CLUAP1: variants seen among roughly 807,000 people sequenced by gnomAD.
The protein encoded by CLUAP1 is intraflagellar transport 38, also known as clusterin-associated protein 1.
CLUAP1 carries 50 observed loss-of-function variants against 55.0 expected under a neutral mutation model. That is an observed-to-expected ratio of 0.91 (90% CI 0.72 to 1.15). CLUAP1 has a LOEUF of 1.15. Among genes scored for constraint, CLUAP1 ranks in the 50% most tolerant of loss-of-function variants. The pLI is 0.00. For missense variants in CLUAP1, 530 were observed against 507.6 expected, an observed-to-expected ratio of 1.04 and a Z score of -0.42; for synonymous variants, 195 against 175.4, an observed-to-expected ratio of 1.11 and a Z score of -0.88.
chr16:3,519,001 A>C (rs780974073), intron 6 of CLUAP1, among the ~76,000 whole-genome samples: 23 of 152,236 alleles, frequency 1.5e-4, no homozygotes, highest in Non-Finnish European at 2.9e-4. Context: ...GGAAAGCCAG[A>C]ACCCTGGGGG....
intron 11 of CLUAP1, chr16:3,533,422 G>A (rs1299598626): frequency 1.8e-5 from 9 of 493,494 alleles, no homozygotes; most frequent in Admixed American, 6.5e-5. Flanking sequence ...GCCGAGGGCC[G>A]GGCTCAGGAC....
chr16:3,536,185 G>A lies in CLUAP1; in HGVS notation c.1156G>A (p.Asp386Asn). 6.2e-7 allele frequency: 1 copy of A among 1,614,200 alleles called. No homozygotes were observed. The highest frequency in any genetic ancestry group is 8.5e-7 in the Non-Finnish European group (1 of 1,180,048). The change falls in exon 12 of 12, where the codon GAC becomes AAC. Residue 386 changes from aspartate (D) to asparagine (N), a missense_variant. By Grantham distance (23) the Asp-to-Asn change is conservative (BLOSUM62 1). Transcript: ENST00000576634. Reference sequence around the variant, plus strand: ...TGATGACGAGGATGACGATTTGGAAGACGAGAGCATTTCTCTCTCACCAAC... The same window carrying A: ...TGATGACGAGGATGACGATTTGGAAAACGAGAGCATTTCTCTCTCACCAAC... ...DDDDEDDDLE[D>N]ESISLSPTKP...
chr16:3,533,682 C>T (rs1548526), intron 11 of CLUAP1: 4,819 of 158,198 alleles, frequency 0.03, 228 homozygotes, highest in African/African-American at 0.1. Context: ...CTGCTCGGCC[C>T]ACACAGCAAA....
chr16:3,513,172 G>A (rs1175214717), intron 5 of CLUAP1, among the ~76,000 whole-genome samples: 6 of 152,178 alleles, frequency 3.9e-5, no homozygotes, highest in Non-Finnish European at 4.4e-5. Context: ...AAACACCTGG[G>A]GACCTCTAAA....
chr16:3,523,364 G>A, intron 8 of CLUAP1, 65 bp downstream of exon 8: 1 of 1,501,170 alleles, frequency 6.7e-7, no homozygotes, highest in East Asian at 2.4e-5. Flanking sequence ...TGGGTGACAG[G>A]TCATTTTGTT....
At chr16:3,532,667 A>G in intron 10 of CLUAP1, 119 bp from the exon 11 acceptor site, 2 of 1,035,388 alleles carry the variant, frequency 1.9e-6, no homozygotes, top group South Asian at 2.9e-5. Context: ...TCAGCCTCCC[A>G]AATTCCTGGG....
chr16:3,528,542 A>G (rs2037992464), intron 9 of CLUAP1, among the ~76,000 whole-genome samples: 2 of 152,182 alleles, frequency 1.3e-5, no homozygotes, highest in African/African-American at 4.8e-5. Context: ...AGCAGCCCTC[A>G]GTGATCAGCC....
chr16:3,512,075 A>T (rs8046072), intron 4 of CLUAP1, among the ~76,000 whole-genome samples: 11 of 152,016 alleles, frequency 7.2e-5, no homozygotes, highest in South Asian at 4.2e-4. Context: ...AATCCCAGCC[A>T]CTTGGGAGGC....
At chr16:3,501,000 G>T (rs531119586), upstream of CLUAP1, 22 of 1,521,356 alleles carry the variant, frequency 1.4e-5, no homozygotes, top group South Asian at 2.2e-4. Flanking sequence ...AGAGATCGTC[G>T]AGCGCTGGGC....
At chr16:3,526,579 G>A in intron 9 of CLUAP1, 95 bp downstream of exon 9, 1 of 626,496 alleles carries the variant, frequency 1.6e-6, no homozygotes, top group Non-Finnish European at 2.2e-6. Context: ...TTTTTAATAT[G>A]TATTTTCTTC....
At chr16:3,511,118 C>G (rs559685674) in intron 4 of CLUAP1, among the ~76,000 whole-genome samples, 8 of 152,276 alleles carry the variant, frequency 5.3e-5, no homozygotes, top group Non-Finnish European at 1.0e-4. Flanking sequence ...AGAAAAGCAG[C>G]TAGAGCCAGA....
chr16:3,506,045 C>A (rs1213340497), intron 2 of CLUAP1, among the ~76,000 whole-genome samples: 1 of 152,176 alleles, frequency 6.6e-6, no homozygotes, highest in Non-Finnish European at 1.5e-5. Context: ...GGCTGTCAGC[C>A]AGGGTAGCAG....
At chr16:3,512,712 G>T (rs1051739837) in intron 5 of CLUAP1, among the ~76,000 whole-genome samples, 2 of 151,862 alleles carry the variant, frequency 1.3e-5, no homozygotes, top group African/African-American at 4.8e-5. Flanking sequence ...ACGGAGTCTC[G>T]CTGTGTTGCC....
chr16:3,519,575 C>G (rs909264014), intron 6 of CLUAP1, among the ~76,000 whole-genome samples: 1 of 152,194 alleles, frequency 6.6e-6, no homozygotes, highest in Admixed American at 6.5e-5. Context: ...TGATGTGCAC[C>G]TTGTTCTAAC....
intron 9 of CLUAP1, among the ~76,000 whole-genome samples, chr16:3,529,734 T>A (rs865902234): frequency 8.1e-4 from 20 of 24,670 alleles, no homozygotes; most frequent in African/African-American, 3.8e-3. Context: ...ATTATATATA[T>A]TATTATATAT....
chr16:3,515,552 G>T lies in CLUAP1; in HGVS notation c.540G>T (p.Glu180Asp). Residue 180 changes from glutamate (E) to aspartate (D), a missense_variant, in exon 6 of 12, where the codon GAG (glutamate) becomes GAT (aspartate). By Grantham distance (45) the Glu-to-Asp change is conservative. Coordinates refer to ENST00000576634, the MANE Select transcript of CLUAP1 (RefSeq NM_015041.3). ...EAIARPLEIN[E>D]TEKVMRIAIK... ...TTGCCAGACCTCTGGAAATAAACGA[G>T]ACTGAAAAAGTGATGAGAATTGCAA... 1.2e-6 allele frequency: 2 copies of T among 1,600,496 alleles called. No homozygotes were observed. The highest frequency in any genetic ancestry group is 1.7e-6 in the Non-Finnish European group (2 of 1,176,466).
At chr16:3,507,477 T>A (rs920959378) in intron 3 of CLUAP1, among the ~76,000 whole-genome samples, 1 of 151,092 alleles carries the variant, frequency 6.6e-6, no homozygotes, top group Non-Finnish European at 1.5e-5. Flanking sequence ...GGAGGATTGC[T>A]TGAGCCCGGG....
At chr16:3,501,809 A>G (rs1164889007) in intron 1 of CLUAP1, among the ~76,000 whole-genome samples, 1 of 152,038 alleles carries the variant, frequency 6.6e-6, no homozygotes, top group Non-Finnish European at 1.5e-5. Flanking sequence ...ACAACCAGCA[A>G]CGAAACCGAG....
chr16:3,504,868 A>G, intron 2 of CLUAP1, 37 bp downstream of exon 2: 1 of 1,160,548 alleles, frequency 8.6e-7, no homozygotes, highest in South Asian at 1.2e-5. Context: ...AAGAGTGAAT[A>G]CTGGGTTTTA....
Sources: gnomAD v4.1 joint callset for allele counts (sites outside exome capture counted in the v4.1 genomes callset) on GRCh38, gnomAD v4.1.1 for gene constraint, MANE v1.5 for transcripts, NCBI Gene and HGNC (gene_info 2026-07-23, HGNC 2026-07-21) for gene names.